The following GRAMD1C variants were observed in gnomAD, a reference collection of about 807,000 sequenced individuals.
GRAMD1C encodes GRAM domain containing 1C.
GRAMD1C carries 89 observed loss-of-function variants against 97.8 expected under a neutral mutation model. The observed-to-expected ratio is 0.91, with a 90% confidence interval of 0.77 to 1.09. The LOEUF (loss-of-function observed/expected upper bound fraction) is 1.09, where lower values mean the gene tolerates loss of function less well. Among genes scored for constraint, GRAMD1C ranks in the 50% least tolerant of loss-of-function variants. GRAMD1C has a pLI of 0.00. For missense variants in GRAMD1C, 740 were observed against 766.4 expected, an observed-to-expected ratio of 0.97 and a Z score of 0.41; for synonymous variants, 256 against 267.0, an observed-to-expected ratio of 0.96 and a Z score of 0.40.
chr3:113,914,536 G>A (rs1211043693), intron 9 of GRAMD1C, among the ~76,000 whole-genome samples: 3 of 152,192 alleles, frequency 2.0e-5, no homozygotes, highest in African/African-American at 7.2e-5. Context: ...GAAACATGGG[G>A]AGCTTTTGCA....
chr3:113,940,425 T>G, intron 17 of GRAMD1C, 80 bp downstream of exon 17: 3 of 808,454 alleles, frequency 3.7e-6, no homozygotes, highest in Non-Finnish European at 6.3e-6. Flanking sequence ...TGAGAGAATA[T>G]TTACCCTACT....
At position 113,910,026 on chromosome 3, in the gene GRAMD1C, G is replaced by GA. The variant is rs535892983; in HGVS notation, c.952+908dup. ...ATTTCCATTTAATTCACTTTCAGAG[G>GA]AACATTCTATATTTGAAATTTATTA... On this transcript the variant is annotated intron_variant, in intron 9 of 17. Transcript: ENST00000358160. Among the ~76,000 whole-genome samples the GA allele has an allele frequency of 1.7e-4, 26 of 152,208 alleles. No homozygotes were observed. The East Asian group carries it at 3.7e-3, about 21-fold the overall frequency.
intron 2 of GRAMD1C, among the ~76,000 whole-genome samples, chr3:113,866,145 G>T (rs1405933715): frequency 6.6e-6 from 1 of 152,138 alleles, no homozygotes; most frequent in Non-Finnish European, 1.5e-5. Context: ...GGTTTTCTGT[G>T]TAGTCATTCT....
At chr3:113,884,021 C>T (rs1020985799) in intron 6 of GRAMD1C, among the ~76,000 whole-genome samples, 1 of 152,102 alleles carries the variant, frequency 6.6e-6, no homozygotes, top group South Asian at 2.1e-4. Flanking sequence ...TTGGAAAATT[C>T]AATACCCAAC....
chr3:113,924,091 G>A (rs867891528), intron 10 of GRAMD1C, among the ~76,000 whole-genome samples: 1 of 133,682 alleles, frequency 7.5e-6, no homozygotes, highest in Non-Finnish European at 1.6e-5. Flanking sequence ...AGTCTCTGGG[G>A]TTTTTTTTTT....
chr3:113,912,805 A>G (rs539866019), intron 9 of GRAMD1C, among the ~76,000 whole-genome samples: 5 of 152,304 alleles, frequency 3.3e-5, no homozygotes, highest in Non-Finnish European at 7.4e-5. Flanking sequence ...AGACACTATG[A>G]TTGTGTTACT....
intron 1 of GRAMD1C, among the ~76,000 whole-genome samples, chr3:113,842,430 A>G (rs1933370806): frequency 6.6e-6 from 1 of 152,140 alleles, no homozygotes; most frequent in African/African-American, 2.4e-5. Flanking sequence ...AGATCAGTTT[A>G]TGGACTTCAG....
At chr3:113,858,746 A>G (rs964394029) in intron 2 of GRAMD1C, among the ~76,000 whole-genome samples, 3 of 151,948 alleles carry the variant, frequency 2.0e-5, no homozygotes, top group Non-Finnish European at 4.4e-5. Flanking sequence ...TTTAGTACAG[A>G]TGGGGTTTTA....
intron 15 of GRAMD1C, chr3:113,938,417 T>G (rs767508983): frequency 5.1e-4 from 133 of 261,910 alleles, no homozygotes; most frequent in Middle Eastern, 1.1e-3. Context: ...CATCATAGGT[T>G]TTTATGGGAA....
At chr3:113,940,853 TACC>T (rs1308829562) in intron 17 of GRAMD1C, among the ~76,000 whole-genome samples, 2 of 152,256 alleles carry the variant, frequency 1.3e-5, no homozygotes, top group African/African-American at 4.8e-5. Flanking sequence ...CTAGTATTTT[TACC>T]ACTATTGCCA....
At chr3:113,885,528 T>C in intron 6 of GRAMD1C, 1 of 1,606,238 alleles carries the variant, frequency 6.2e-7, no homozygotes, top group Non-Finnish European at 8.5e-7. Context: ...ACTCCCACCA[T>C]GATGGGGTCC....
chr3:113,885,241 G>T (rs1935424485), intron 6 of GRAMD1C: 6 of 1,053,456 alleles, frequency 5.7e-6, no homozygotes, highest in Non-Finnish European at 7.1e-6. Flanking sequence ...GCCCCCGGGG[G>T]GCTGGCGGAG....
intron 10 of GRAMD1C, among the ~76,000 whole-genome samples, chr3:113,928,615 G>A (rs1015859073): frequency 6.6e-6 from 1 of 152,132 alleles, no homozygotes; most frequent in African/African-American, 2.4e-5. Flanking sequence ...TGCTATACCT[G>A]TTGAATGGTA....
At chr3:113,852,592 G>A (rs1933956239) in intron 2 of GRAMD1C, among the ~76,000 whole-genome samples, 2 of 151,976 alleles carry the variant, frequency 1.3e-5, no homozygotes, top group East Asian at 1.9e-4. Flanking sequence ...ACAAAACAGC[G>A]AGGGAAATAT....
At chr3:113,869,934 A>G (rs1221591270) in intron 3 of GRAMD1C, among the ~76,000 whole-genome samples, 1 of 152,198 alleles carries the variant, frequency 6.6e-6, no homozygotes, top group Admixed American at 6.5e-5. Context: ...AAAGAATGAA[A>G]TGCTGTCATT....
chr3:113,911,699 C>CCTTCCTTCCTTCCTTCTTTCT lies in GRAMD1C; in HGVS notation c.952+2595_952+2596insTTTCTCTTCCTTCCTTCCTTC, dbSNP rs1553723615. Among the ~76,000 whole-genome samples, 329 of 72,728 alleles carry CCTTCCTTCCTTCCTTCTTTCT rather than the reference C, an allele frequency of 4.5e-3. 7 individuals are homozygous for CCTTCCTTCCTTCCTTCTTTCT. Among genetic ancestry groups the CCTTCCTTCCTTCCTTCTTTCT allele is most frequent in the African/African-American group, 0.022 (272 of 12,506 alleles). The allele number at this position is 72,728 out of a possible 152,430, so 47.7% of individuals were successfully genotyped here. A position where few individuals can be genotyped will look rare whatever the true frequency, so the allele number is the denominator to read the frequency against. On this transcript the variant is annotated intron_variant, in intron 9 of 17. Coordinates refer to ENST00000358160, the MANE Select transcript of GRAMD1C (RefSeq NM_017577.5). ...TCTCTCTTTCTCTCTCTGTTTCTTT[C>CCTTCCTTCCTTCCTTCTTTCT]CTTCCTTCCTTCCTTCCTTCCTTCC...
intron 7 of GRAMD1C, among the ~76,000 whole-genome samples, chr3:113,902,671 G>A (rs979834133): frequency 2.0e-5 from 3 of 151,940 alleles, no homozygotes; most frequent in Non-Finnish European, 2.9e-5. Flanking sequence ...TTTTGAGACT[G>A]AGTCTCACTC....
At chr3:113,845,507 C>T (rs182851798) in intron 2 of GRAMD1C, among the ~76,000 whole-genome samples, 23 of 152,154 alleles carry the variant, frequency 1.5e-4, no homozygotes, top group African/African-American at 4.8e-4. Context: ...GCCTGGGTAA[C>T]ATGGCAAAAC....
At chr3:113,829,437 C>G (rs1425215221) in intron 1 of GRAMD1C, among the ~76,000 whole-genome samples, 1 of 152,088 alleles carries the variant, frequency 6.6e-6, no homozygotes, top group Non-Finnish European at 1.5e-5. Context: ...GAGAGAGACC[C>G]TGTCTCAAGA....
Sources: allele counts gnomAD v4.1 joint callset (sites outside exome capture counted in the v4.1 genomes callset), GRCh38; gene constraint gnomAD v4.1.1; transcripts MANE v1.5; gene names NCBI Gene and HGNC (gene_info 2026-07-23, HGNC 2026-07-21).